CLYBL: variants seen among roughly 807,000 people sequenced by gnomAD.
CLYBL encodes the protein citramalyl-CoA lyase, mitochondrial.
Under a neutral mutation model 38.9 loss-of-function variants are expected in CLYBL, and 31 were observed. That is an observed-to-expected ratio of 0.80 (90% CI 0.60 to 1.08). CLYBL has a LOEUF of 1.08. Among genes scored for constraint, CLYBL ranks in the 50% least tolerant of loss-of-function variants. The pLI, the probability that CLYBL is intolerant of heterozygous loss-of-function variation, is 0.00. For missense variants in CLYBL, 434 were observed against 411.6 expected, an observed-to-expected ratio of 1.05 and a Z score of -0.47; for synonymous variants, 171 against 158.6, an observed-to-expected ratio of 1.08 and a Z score of -0.59.
At chr13:99,645,403 C>T (rs2047162545) in intron 1 of CLYBL, among the ~76,000 whole-genome samples, 1 of 147,376 alleles carries the variant, frequency 6.8e-6, no homozygotes, top group African/African-American at 2.5e-5. Context: ...GAGGCTGAGG[C>T]AGGAGAATGG....
intron 1 of CLYBL, among the ~76,000 whole-genome samples, chr13:99,739,503 T>C (rs1174772853): frequency 6.6e-6 from 1 of 152,186 alleles, no homozygotes; most frequent in Admixed American, 6.5e-5. Context: ...AGCCTGTGGA[T>C]GCCCACCAGC....
chr13:99,706,093 C>T lies in CLYBL; in HGVS notation c.63-66731C>T, dbSNP rs187477904. Reference sequence around the variant, plus strand: ...ATTACAGGCTCGTGCCGTCATGCCCCGCCAATTTTTGTATTTTTAGTAGAG... The same window carrying T: ...ATTACAGGCTCGTGCCGTCATGCCCTGCCAATTTTTGTATTTTTAGTAGAG... On this transcript the variant is annotated intron_variant, in intron 1 of 8. Transcript: ENST00000339105. Among the ~76,000 whole-genome samples, 13 of 152,012 alleles carry T rather than the reference C, an allele frequency of 8.6e-5. No homozygotes were observed. In the East Asian group the frequency reaches 9.7e-4, roughly 11 times the overall value.
At chr13:99,893,480 C>CG (rs1566370434), downstream of CLYBL, 1 of 152,390 alleles carries the variant, frequency 6.6e-6, no homozygotes, top group Non-Finnish European at 1.5e-5. Context: ...CATACGCACC[C>CG]GCTGAGGGTG....
rs532997201 is a variant in CLYBL, at chr13:99,711,401, G to A, written c.63-61423G>A. Among the ~76,000 whole-genome samples, 11 of 123,034 alleles carry A rather than the reference G, an allele frequency of 8.9e-5. No individual in the cohort carries two copies. The South Asian group carries it at 1.1e-3, about 12-fold the overall frequency. The allele number at this position is 123,034 out of a possible 152,430, so 80.7% of individuals were successfully genotyped here. On this transcript the variant is annotated intron_variant, in intron 1 of 8. Transcript: ENST00000339105. The stretch of plus-strand genomic sequence containing the variant: ...TATGACAGAAGGGGTGAGGGAGTCC[G>A]TCTTTTTTTTTTTTTTTTTTTTTTT...
intron 1 of CLYBL, among the ~76,000 whole-genome samples, chr13:99,731,381 C>T (rs1027531965): frequency 4.0e-5 from 6 of 149,564 alleles, no homozygotes; most frequent in Admixed American, 4.0e-4. Context: ...TACCTGTAAT[C>T]CCAGCACTTT....
chr13:99,777,496 C>T (rs201737631), intron 2 of CLYBL, among the ~76,000 whole-genome samples: 3 of 143,252 alleles, frequency 2.1e-5, no homozygotes, highest in Non-Finnish European at 3.0e-5. Flanking sequence ...CTTTTCTTTT[C>T]TTTTTTTTTT....
intron 1 of CLYBL, among the ~76,000 whole-genome samples, chr13:99,737,578 C>A (rs1412988464): frequency 1.3e-5 from 2 of 152,108 alleles, no homozygotes; most frequent in Admixed American, 1.3e-4. Flanking sequence ...TTGGAGCTGG[C>A]GAGTCTGGGG....
intron 1 of CLYBL, among the ~76,000 whole-genome samples, chr13:99,659,241 C>CGT (rs72399404): frequency 1.3e-5 from 2 of 151,170 alleles, no homozygotes; most frequent in South Asian, 2.1e-4. Flanking sequence ...TATATATATG[C>CGT]GTGTGTGTGT....
At chr13:99,761,214 G>A (rs552624970) in intron 1 of CLYBL, among the ~76,000 whole-genome samples, 3 of 152,150 alleles carry the variant, frequency 2.0e-5, no homozygotes, top group Non-Finnish European at 2.9e-5. Flanking sequence ...TTAGCCGGGC[G>A]TGGTGGCGGG....
rs144052932 is a variant in CLYBL, at chr13:99,824,757, C to T, written c.250-34104C>T. On this transcript the variant is annotated intron_variant, in intron 2 of 8. Coordinates refer to ENST00000339105, the MANE Select transcript of CLYBL (RefSeq NM_206808.5). ...ACACTCCATCAAAAAATATTTTCTG[C>T]ATCTCTAATTTCATCAAGATATGCC... is the stretch of plus-strand genomic sequence containing the variant. Among the ~76,000 whole-genome samples the T allele has an allele frequency of 2.2e-3, 338 of 152,338 alleles. 2 individuals carry two copies. The highest frequency in any genetic ancestry group is 6.6e-3 in the South Asian group (32 of 4,826).
At chr13:99,611,378 A>T (rs2046624148) in intron 1 of CLYBL, among the ~76,000 whole-genome samples, 4 of 151,664 alleles carry the variant, frequency 2.6e-5, no homozygotes, top group South Asian at 2.1e-4. Flanking sequence ...GAATTTATAA[A>T]TTTTTTTTTG....
At chr13:99,824,368 C>T (rs926189634) in intron 2 of CLYBL, among the ~76,000 whole-genome samples, 1 of 144,850 alleles carries the variant, frequency 6.9e-6, no homozygotes, top group African/African-American at 2.6e-5. Context: ...TGTATTATAG[C>T]ATAAGAATGG....
chr13:99,612,137 TG>T (rs1791692849), intron 1 of CLYBL, among the ~76,000 whole-genome samples: 1 of 152,236 alleles, frequency 6.6e-6, no homozygotes, highest in Admixed American at 6.5e-5. Flanking sequence ...CATAGTGATG[TG>T]TCCTTCTTCA....
chr13:99,687,734 G>A lies in CLYBL; in HGVS notation c.62+80977G>A, dbSNP rs80140134. Reference sequence around the variant, plus strand: ...CATTACATACCTGGTCAGGGACCAGGCTGAATGTTTCTTTAAGCAATTGGA... The same window carrying A: ...CATTACATACCTGGTCAGGGACCAGACTGAATGTTTCTTTAAGCAATTGGA... On this transcript the variant is annotated intron_variant, in intron 1 of 8. Transcript: ENST00000339105. 1.3e-3 allele frequency among the ~76,000 whole-genome samples: 191 copies of A among 152,320 alleles called. 2 individuals are homozygous for A. In the East Asian group the frequency reaches 0.027, roughly 22 times the overall value.
At chr13:99,888,566 A>G (rs2052410226) in intron 7 of CLYBL, among the ~76,000 whole-genome samples, 1 of 152,146 alleles carries the variant, frequency 6.6e-6, no homozygotes, top group Admixed American at 6.5e-5. Context: ...CCTGGACAAC[A>G]TGGTGAAACC....
chr13:99,889,713 A>G (rs1054235354), intron 7 of CLYBL, among the ~76,000 whole-genome samples: 5 of 152,148 alleles, frequency 3.3e-5, no homozygotes, highest in African/African-American at 1.2e-4. Flanking sequence ...GATAAATCCC[A>G]AAAGTCATTG....
At chr13:99,775,375 T>TA (rs1006443596) in intron 2 of CLYBL, among the ~76,000 whole-genome samples, 93 of 152,332 alleles carry the variant, frequency 6.1e-4, no homozygotes, top group African/African-American at 2.0e-3. Context: ...AAAGAAGAGT[T>TA]AATGATTGCC....
At chr13:99,638,619 A>G (rs1006104141) in intron 1 of CLYBL, among the ~76,000 whole-genome samples, 6 of 152,232 alleles carry the variant, frequency 3.9e-5, no homozygotes, top group Non-Finnish European at 7.3e-5. Context: ...ATTTTTTGAG[A>G]GCTTACTATG....
At chr13:99,860,322 C>T (rs540656389) in intron 3 of CLYBL, among the ~76,000 whole-genome samples, 8 of 152,066 alleles carry the variant, frequency 5.3e-5, no homozygotes, top group East Asian at 1.9e-4. Flanking sequence ...AATGTAGCTA[C>T]GAGATAATTT....
Sources: gnomAD v4.1 joint callset for allele counts (sites outside exome capture counted in the v4.1 genomes callset) on GRCh38, gnomAD v4.1.1 for gene constraint, MANE v1.5 for transcripts, NCBI Gene and HGNC (gene_info 2026-07-23, HGNC 2026-07-21) for gene names.